The following MRAP2 variants were observed in gnomAD, a reference collection of about 807,000 sequenced individuals.
MRAP2 encodes melanocortin-2 receptor accessory protein 2.
In MRAP2, 20 loss-of-function variants were observed where a neutral mutation model predicts 17.4. That is an observed-to-expected ratio of 1.15 (90% CI 0.81 to 1.67). The LOEUF (loss-of-function observed/expected upper bound fraction) is 1.67, where lower values mean the gene tolerates loss of function less well. MRAP2 is among the 40% of genes most tolerant of loss of function. MRAP2 has a pLI of 0.00. For synonymous variants in MRAP2, 96 were observed against 88.4 expected (o/e 1.09, Z -0.48); for missense variants, 238 against 240.0 (o/e 0.99, Z 0.05).
chr6:84,087,903 CCTT>C (rs1260880623), intron 3 of MRAP2, among the ~76,000 whole-genome samples: 12 of 152,264 alleles, frequency 7.9e-5, no homozygotes, highest in Admixed American at 6.5e-4. Flanking sequence ...GGATTACAAA[CCTT>C]CTAGGGTTGC....
intron 3 of MRAP2, among the ~76,000 whole-genome samples, chr6:84,064,710 A>C (rs1399517519): frequency 6.6e-6 from 1 of 152,134 alleles, no homozygotes; most frequent in Non-Finnish European, 1.5e-5. Context: ...GATGGTCTCG[A>C]TCTGCTGACT....
At chr6:84,039,792 G>A (rs1212102933) in intron 1 of MRAP2, among the ~76,000 whole-genome samples, 2 of 152,074 alleles carry the variant, frequency 1.3e-5, no homozygotes, top group Non-Finnish European at 2.9e-5. Context: ...CTGAGGGAGG[G>A]GCTTCTTAAG....
chr6:84,096,687 G>A, the MRAP2 span, among the ~76,000 whole-genome samples: 1 of 152,168 alleles, frequency 6.6e-6, no homozygotes, highest in Non-Finnish European at 1.5e-5. Flanking sequence ...CACCAAGAAT[G>A]TCATCTCAGC....
At chr6:84,145,036 G>C in the MRAP2 span, among the ~76,000 whole-genome samples, 2 of 152,038 alleles carry the variant, frequency 1.3e-5, no homozygotes, top group African/African-American at 4.8e-5. Flanking sequence ...TCATATTTCA[G>C]AATGTGCATG....
the MRAP2 span, among the ~76,000 whole-genome samples, chr6:84,106,474 G>C: frequency 6.6e-6 from 1 of 152,156 alleles, no homozygotes; most frequent in Non-Finnish European, 1.5e-5. Context: ...ACTCAGGGTT[G>C]GTCTCTGCTG....
chr6:84,046,623 T>C (rs955209501), intron 1 of MRAP2, among the ~76,000 whole-genome samples: 1 of 151,002 alleles, frequency 6.6e-6, no homozygotes, highest in East Asian at 2.0e-4. Context: ...CTGCTAAAAG[T>C]AGAAAAAGTT....
At chr6:84,143,555 GAC>G in the MRAP2 span, among the ~76,000 whole-genome samples, 1 of 151,920 alleles carries the variant, frequency 6.6e-6, no homozygotes, top group East Asian at 1.9e-4. Flanking sequence ...AAAGTAGAAT[GAC>G]AGACTGTTTT....
At chr6:84,070,975 C>T (rs973614834) in intron 3 of MRAP2, among the ~76,000 whole-genome samples, 4 of 152,128 alleles carry the variant, frequency 2.6e-5, no homozygotes, top group Non-Finnish European at 5.9e-5. Context: ...AGGTGAGTCT[C>T]CTGAAGACAG....
intron 1 of MRAP2, among the ~76,000 whole-genome samples, chr6:84,035,886 C>T (rs1375458454): frequency 6.6e-6 from 1 of 152,174 alleles, no homozygotes; most frequent in Admixed American, 6.5e-5. Flanking sequence ...TTGATAGTCA[C>T]AGTTCATAGA....
chr6:84,039,860 G>C (rs1164224215), intron 1 of MRAP2, among the ~76,000 whole-genome samples: 2 of 152,192 alleles, frequency 1.3e-5, no homozygotes, highest in Non-Finnish European at 2.9e-5. Context: ...CTGAGTGAGA[G>C]AATGTGGTTG....
chr6:84,070,758 C>T (rs765519412), intron 3 of MRAP2, among the ~76,000 whole-genome samples: 7 of 152,134 alleles, frequency 4.6e-5, no homozygotes, highest in East Asian at 1.9e-4. Context: ...GTGTTAGGTG[C>T]ATATATGTTT....
At chr6:84,101,646 A>G in the MRAP2 span, among the ~76,000 whole-genome samples, 7 of 152,344 alleles carry the variant, frequency 4.6e-5, no homozygotes, top group South Asian at 1.5e-3. Flanking sequence ...TTACTAAAGC[A>G]TCATATGTTT....
At chr6:84,060,852 A>ATTTTTTTTTTT (rs771171189) in intron 2 of MRAP2, among the ~76,000 whole-genome samples, 2 of 119,548 alleles carry the variant, frequency 1.7e-5, no homozygotes, top group Admixed American at 8.3e-5. Context: ...CACCCGGCTA[A>ATTTTTTTTTTT]TTTTTTTTTT....
chr6:84,115,385 C>T, the MRAP2 span, among the ~76,000 whole-genome samples: 72 of 152,278 alleles, frequency 4.7e-4, no homozygotes, highest in African/African-American at 1.7e-3. Flanking sequence ...GAGAGTGAAA[C>T]CTCCTACTCA....
At chr6:84,076,084 T>C (rs2099497524) in intron 3 of MRAP2, among the ~76,000 whole-genome samples, 1 of 151,980 alleles carries the variant, frequency 6.6e-6, no homozygotes, top group South Asian at 2.1e-4. Context: ...TCTTTTGAGA[T>C]GGGGTCTCAC....
At chr6:84,113,968 C>T in the MRAP2 span, among the ~76,000 whole-genome samples, 1,013 of 152,268 alleles carry the variant, frequency 6.7e-3, 7 homozygotes, top group African/African-American at 0.023. Flanking sequence ...ATGGGTTTCC[C>T]TTTGTGGGTA....
chr6:84,091,118 A>T (rs2099501694), downstream of MRAP2, among the ~76,000 whole-genome samples: 1 of 151,762 alleles, frequency 6.6e-6, no homozygotes, highest in African/African-American at 2.4e-5. Flanking sequence ...AAATAGTAAA[A>T]CAAAGCATGG....
chr6:84,138,189 T>A, the MRAP2 span, among the ~76,000 whole-genome samples: 1 of 152,340 alleles, frequency 6.6e-6, no homozygotes, highest in East Asian at 1.9e-4. Context: ...TCACTTGTGG[T>A]CATGTGGAGT....
the MRAP2 span, among the ~76,000 whole-genome samples, chr6:84,103,771 C>A: frequency 8.1e-6 from 1 of 122,904 alleles, no homozygotes; most frequent in African/African-American, 2.6e-5. Context: ...ATTGTAATAC[C>A]AATACCATTA....
Sources: gnomAD v4.1 joint callset for allele counts (sites outside exome capture counted in the v4.1 genomes callset) on GRCh38, gnomAD v4.1.1 for gene constraint, MANE v1.5 for transcripts, NCBI Gene and HGNC (gene_info 2026-07-23, HGNC 2026-07-21) for gene names.